PDE4D: variants seen among roughly 807,000 people sequenced by gnomAD.
PDE4D encodes the protein 3',5'-cyclic-AMP phosphodiesterase 4D.
PDE4D carries 24 observed loss-of-function variants against 87.4 expected under a neutral mutation model. The observed-to-expected ratio is 0.27, with a 90% CI of 0.20 to 0.39. PDE4D has a LOEUF of 0.39. Among genes scored for constraint, PDE4D ranks in the 10% least tolerant of loss-of-function variants. The pLI is 1.00. For missense variants in PDE4D, 714 were observed against 1,041.0 expected, an observed-to-expected ratio of 0.69 and a Z score of 4.32; for synonymous variants, 384 against 383.2, an observed-to-expected ratio of 1.00 and a Z score of -0.02.
chr5:59,138,424 A>G (rs1306601571), intron 5 of PDE4D, among the ~76,000 whole-genome samples: 1 of 152,136 alleles, frequency 6.6e-6, no homozygotes, highest in Admixed American at 6.5e-5. Flanking sequence ...AGTAGCTGGG[A>G]CTACAGGTGC....
At chr5:60,419,986 G>T (rs973879676) in intron 1 of PDE4D, among the ~76,000 whole-genome samples, 2 of 152,152 alleles carry the variant, frequency 1.3e-5, no homozygotes, top group Admixed American at 6.5e-5. Context: ...CAGAAGTTTT[G>T]CAGAGATTTG....
intron 2 of PDE4D, among the ~76,000 whole-genome samples, chr5:60,091,323 A>G (rs1348562615): frequency 1.3e-5 from 2 of 152,188 alleles, no homozygotes; most frequent in Non-Finnish European, 2.9e-5. Flanking sequence ...GCAGAGAAGG[A>G]TATGAATAGA....
chr5:60,091,313 G>A lies in PDE4D; in HGVS notation c.42+94244C>T, dbSNP rs541658517. ...AAAAAGTACATAATCCCATTGAAAA[G>A]CAGAGAAGGATATGAATAGACATTT... On this transcript the variant is annotated intron_variant, in intron 2 of 16. Transcript: ENST00000502484. 3.5e-3 allele frequency among the ~76,000 whole-genome samples: 535 copies of A among 152,224 alleles called. 6 individuals are homozygous for A. Among genetic ancestry groups the A allele is most frequent in the African/African-American group, 0.012 (515 of 41,556 alleles).
chr5:59,634,659 G>C (rs891663531), intron 1 of PDE4D, among the ~76,000 whole-genome samples: 1 of 152,112 alleles, frequency 6.6e-6, no homozygotes, highest in East Asian at 1.9e-4. Context: ...CGAAACAAAG[G>C]CAGAAATAAA....
At chr5:60,462,914 G>A (rs986442339) in intron 1 of PDE4D, among the ~76,000 whole-genome samples, 1 of 152,150 alleles carries the variant, frequency 6.6e-6, no homozygotes, top group Non-Finnish European at 1.5e-5. Context: ...ATAATAGAAA[G>A]CATCATATGT....
chr5:59,337,811 T>TG (rs1019605389), intron 1 of PDE4D, among the ~76,000 whole-genome samples: 2 of 152,090 alleles, frequency 1.3e-5, no homozygotes, highest in Admixed American at 1.3e-4. Context: ...TGAAGTGAAT[T>TG]GGGGTATTCT....
chr5:59,048,063 A>G (rs1474898316), intron 5 of PDE4D, among the ~76,000 whole-genome samples: 1 of 152,210 alleles, frequency 6.6e-6, no homozygotes, highest in Non-Finnish European at 1.5e-5. Context: ...TGCCATTGAT[A>G]TTCAGTACAG....
At chr5:60,434,534 A>G (rs562995907) in intron 1 of PDE4D, among the ~76,000 whole-genome samples, 1 of 152,308 alleles carries the variant, frequency 6.6e-6, no homozygotes, top group South Asian at 2.1e-4. Context: ...GAAAGATTTA[A>G]TGGATTTAAA....
intron 1 of PDE4D, among the ~76,000 whole-genome samples, chr5:60,259,609 C>A (rs1455557403): frequency 6.6e-6 from 1 of 152,030 alleles, no homozygotes; most frequent in East Asian, 1.9e-4. Flanking sequence ...AGTTTCCACT[C>A]ATTTCAAAAA....
At chr5:59,900,995 TTAAAC>T (rs1210552389) in intron 3 of PDE4D, among the ~76,000 whole-genome samples, 1 of 152,188 alleles carries the variant, frequency 6.6e-6, no homozygotes, top group Non-Finnish European at 1.5e-5. Context: ...AAATGTAAAT[TTAAAC>T]TAATAGTTCT....
chr5:59,630,474 G>A (rs908597126), intron 1 of PDE4D, among the ~76,000 whole-genome samples: 29 of 152,194 alleles, frequency 1.9e-4, no homozygotes, highest in African/African-American at 7.0e-4. Flanking sequence ...AGTGTATGAA[G>A]CTGGAAATAT....
At chr5:59,988,744 T>C (rs1422193622) in intron 2 of PDE4D, 2 of 1,313,828 alleles carry the variant, frequency 1.5e-6, no homozygotes, top group Admixed American at 1.8e-5. Flanking sequence ...AGAAAGTACA[T>C]ATAATCAACA....
chr5:59,735,048 C>G (rs780033447), intron 1 of PDE4D, among the ~76,000 whole-genome samples: 1 of 152,258 alleles, frequency 6.6e-6, no homozygotes, highest in South Asian at 2.1e-4. Context: ...AGAAAAATAT[C>G]AGATTTATCT....
chr5:60,379,073 A>G (rs58702895), intron 1 of PDE4D, among the ~76,000 whole-genome samples: 1,621 of 151,894 alleles, frequency 0.011, 20 homozygotes, highest in African/African-American at 0.038. Flanking sequence ...TCAAAGCCCT[A>G]TTGCATGCCT....
chr5:59,156,331 A>ATATATATATGTGTGTGTG (rs1384479557), intron 5 of PDE4D, among the ~76,000 whole-genome samples: 16 of 122,754 alleles, frequency 1.3e-4, no homozygotes, highest in African/African-American at 5.1e-4. Flanking sequence ...ATATATATAT[A>ATATATATATGTGTGTGTG]TGTGTGTGTG....
At chr5:59,632,623 C>T (rs1831717437) in intron 1 of PDE4D, among the ~76,000 whole-genome samples, 1 of 152,128 alleles carries the variant, frequency 6.6e-6, no homozygotes, top group South Asian at 2.1e-4. Flanking sequence ...GGACCTCCAG[C>T]AAACCTGCAG....
In PDE4D at chr5:59,240,803, CACACAT is replaced by C. The variant is rs201460075; in HGVS notation, c.456-24841_456-24836del. ...AAACACACACACACACACACACACA[CACACAT>C]CCCTTTTGGATGTAATTCCATAAAG... On this transcript the variant is annotated intron_variant, in intron 1 of 14. Coordinates refer to ENST00000340635, the MANE Select transcript of PDE4D (RefSeq NM_001104631.2). 1.9e-3 allele frequency among the ~76,000 whole-genome samples: 170 copies of C among 88,172 alleles called. 1 individual carries two copies. In the East Asian group the frequency reaches 0.026, roughly 13 times the overall value. 57.8% of individuals were successfully genotyped at this position (88,172 alleles called of 152,430 possible). A position where few individuals can be genotyped will look rare whatever the true frequency, so the allele number is the denominator to read the frequency against.
chr5:59,902,695 T>A (rs1752403292), intron 3 of PDE4D, among the ~76,000 whole-genome samples: 1 of 152,082 alleles, frequency 6.6e-6, no homozygotes, highest in African/African-American at 2.4e-5. Flanking sequence ...GGTAGGGAAC[T>A]CACATCATCA....
At chr5:59,332,708 C>T (rs551357571) in intron 1 of PDE4D, among the ~76,000 whole-genome samples, 1 of 152,300 alleles carries the variant, frequency 6.6e-6, no homozygotes, top group East Asian at 1.9e-4. Flanking sequence ...TAACTTCCAT[C>T]TTTCTGCACT....
Sources: gnomAD v4.1 joint callset for allele counts (sites outside exome capture counted in the v4.1 genomes callset) on GRCh38, gnomAD v4.1.1 for gene constraint, MANE v1.5 for transcripts, NCBI Gene and HGNC (gene_info 2026-07-23, HGNC 2026-07-21) for gene names.